Variants in ZMYM1 observed in about 807,000 individuals in gnomAD.
ZMYM1 encodes zinc finger MYM-type containing 1, also known as zinc finger MYM-type protein 1.
In ZMYM1, 39 loss-of-function variants were observed where a neutral mutation model predicts 60.0. The ratio of observed to expected loss-of-function variants is 0.65; its 90% CI spans 0.50 to 0.85. The LOEUF is 0.85. ZMYM1 is among the 40% of genes least tolerant of loss of function. The probability of loss-of-function intolerance (pLI) is 0.00; values close to 1 mark genes in which losing one functional copy is unlikely to be tolerated. For missense variants in ZMYM1, 1,171 were observed against 1,309.5 expected (o/e 0.89, Z 1.63); for synonymous variants, 413 against 454.0 (o/e 0.91, Z 1.15).
chr1:35,114,458 C>T lies in ZMYM1; in HGVS notation c.2628C>T (p.Ser876=). Residue 876 remains serine (S), a synonymous_variant, in exon 10 of 10, where the codon TCC becomes TCT. Coordinates refer to ENST00000359858, the MANE Select transcript of ZMYM1 (RefSeq NM_024772.5). ...YRVLSVTGIL[S]KELQNKTIDI... The stretch of plus-strand genomic sequence containing the variant: ...TGCTGAGTGTTACAGGAATTCTTTC[C>T]AAAGAGCTTCAAAATAAAACCATAG... 1.2e-6 allele frequency: 2 copies of T among 1,613,042 alleles called. No homozygotes were observed. The highest frequency in any genetic ancestry group is 2.2e-5 in the East Asian group (1 of 44,822).
chr1:35,113,930 T>C lies in ZMYM1; in HGVS notation c.2100T>C (p.Tyr700=), dbSNP rs775379156. The change falls in exon 10 of 10, where the codon TAT becomes TAC. Residue 700 remains tyrosine, a synonymous_variant. Transcript: ENST00000359858. ...GTHLHRTIKT[Y]LQQIGVDMDK... ...ACTTACATAGGACTATCAAAACTTATCTGCAGCAAATTGGAGTTGATATGG... is the reference window on the plus strand; with the variant it reads ...ACTTACATAGGACTATCAAAACTTACCTGCAGCAAATTGGAGTTGATATGG... 32 of 1,613,842 alleles carry C rather than the reference T, an allele frequency of 2.0e-5. No individual in the cohort carries two copies. In the East Asian group the frequency reaches 3.6e-4, roughly 18 times the overall value.
At chr1:35,107,342 G>T (rs1486761644) in intron 6 of ZMYM1, among the ~76,000 whole-genome samples, 1 of 151,100 alleles carries the variant, frequency 6.6e-6, no homozygotes, top group Admixed American at 6.6e-5. Flanking sequence ...GGTGGCGGGC[G>T]CCTGTAGTCC....
Position 35,093,880 on chromosome 1 carries a change from T to A in ZMYM1, c.-74-34T>A, listed in dbSNP as rs143734084. 2.5e-3 allele frequency: 1,954 copies of A among 778,062 alleles called. 35 individuals are homozygous for A. The African/African-American group carries it at 0.032, about 13-fold the overall frequency. The allele number at this position is 778,062 out of a possible 1,614,324, so 48.2% of individuals were successfully genotyped here. On this transcript the variant is annotated intron_variant, in intron 1 of 9. Transcript: ENST00000359858. Reference sequence around the variant, plus strand: ...TTACCATATTTAAAAGGACTAATTTTAAAATCAAACTCTTTATCAATATTT... The same window carrying A: ...TTACCATATTTAAAAGGACTAATTTAAAAATCAAACTCTTTATCAATATTT...
intron 7 of ZMYM1, among the ~76,000 whole-genome samples, chr1:35,111,266 C>T (rs1644076475): frequency 6.6e-6 from 1 of 152,084 alleles, no homozygotes; most frequent in Non-Finnish European, 1.5e-5. Context: ...CATGTAGGAC[C>T]AGTGGTGCTA....
At chr1:35,073,943 C>A (rs141057014) in intron 1 of ZMYM1, among the ~76,000 whole-genome samples, 58 of 152,178 alleles carry the variant, frequency 3.8e-4, no homozygotes, top group Non-Finnish European at 6.8e-4. Flanking sequence ...GCTATCATGC[C>A]CAGCTAATCT....
intron 1 of ZMYM1, among the ~76,000 whole-genome samples, chr1:35,085,148 C>T (rs758449888): frequency 2.0e-5 from 3 of 151,826 alleles, no homozygotes; most frequent in South Asian, 2.1e-4. Context: ...CCTGGGTTCA[C>T]GCCCTTCTCC....
At chr1:35,087,377 AT>A (rs1642713589) in intron 1 of ZMYM1, among the ~76,000 whole-genome samples, 1 of 151,844 alleles carries the variant, frequency 6.6e-6, no homozygotes, top group Non-Finnish European at 1.5e-5. Flanking sequence ...TCTGGATGAT[AT>A]CCCCTGGAGG....
chr1:35,061,612 T>TA (rs1362581305), intron 1 of ZMYM1, among the ~76,000 whole-genome samples: 2 of 150,898 alleles, frequency 1.3e-5, no homozygotes, highest in African/African-American at 2.4e-5. Flanking sequence ...CCGTCTCTAG[T>TA]AAAAAAACAA....
chr1:35,095,944 A>G, intron 3 of ZMYM1, 53 bp downstream of exon 3: 3 of 1,326,922 alleles, frequency 2.3e-6, no homozygotes, highest in Non-Finnish European at 3.2e-6. Flanking sequence ...ACGACAGCTG[A>G]TTCATTCTTT....
intron 1 of ZMYM1, among the ~76,000 whole-genome samples, chr1:35,061,693 G>A (rs1016180357): frequency 2.0e-5 from 3 of 151,418 alleles, no homozygotes; most frequent in Non-Finnish European, 4.4e-5. Flanking sequence ...GGAGAATGGC[G>A]TGAACCCAGG....
rs1397163959 is a variant in ZMYM1 at position 35,104,559 on chromosome 1, T to G, written c.597T>G (p.Ile199Met). 1 of 1,613,996 alleles carries G rather than the reference T, an allele frequency of 6.2e-7. No homozygotes were observed. The highest frequency in any genetic ancestry group is 1.3e-5 in the African/African-American group (1 of 74,930). Reference sequence around the variant, plus strand: ...TGAATCTTTTTATTAAATCCTAGATTCAGTATGAAGTAAAATACCAAAATG... The same window carrying G: ...TGAATCTTTTTATTAAATCCTAGATGCAGTATGAAGTAAAATACCAAAATG... The part of the protein sequence containing the change: ...KCSMCQKTAI[I>M]QYEVKYQNVK... Residue 199 changes from isoleucine to methionine, a missense_variant and splice_region_variant, in exon 6 of 10, where the codon ATT (isoleucine) becomes ATG (methionine). Ile to Met is a conservative substitution (Grantham distance 10). Coordinates refer to ENST00000359858, the MANE Select transcript of ZMYM1 (RefSeq NM_024772.5).
intron 1 of ZMYM1, among the ~76,000 whole-genome samples, chr1:35,091,887 CA>C (rs779081046): frequency 0.011 from 911 of 84,500 alleles, 13 homozygotes; most frequent in African/African-American, 0.042. Context: ...GATCTTGTCT[CA>C]AAAAAAAAAA....
At chr1:35,090,165 C>T (rs950066582) in intron 1 of ZMYM1, among the ~76,000 whole-genome samples, 4 of 152,054 alleles carry the variant, frequency 2.6e-5, no homozygotes, top group Admixed American at 2.0e-4. Flanking sequence ...CTCGGCCTCC[C>T]CAAGTGCTGG....
rs200829459 is a variant in ZMYM1, at chr1:35,114,981, G to A, written c.3151G>A (p.Gly1051Ser). 74 of 1,613,954 alleles carry A rather than the reference G, an allele frequency of 4.6e-5. 1 individual carries two copies. Among genetic ancestry groups the A allele is most frequent in the African/African-American group, 3.5e-4 (26 of 75,010 alleles). Residue 1051 changes from glycine (G) to serine (S), a missense_variant, in exon 10 of 10, where the codon GGC becomes AGC. Transcript: ENST00000359858. Reference sequence around the variant, plus strand: ...TAGTTGCATAAACTTCGTCAGTCTCGGCTGTTTGTTTATTCAGCATGGTCT... The same window carrying A: ...TAGTTGCATAAACTTCGTCAGTCTCAGCTGTTTGTTTATTCAGCATGGTCT... ...DDSCINFVSL[G>S]CLFIQHGLHS... is the part of the protein sequence containing the mutation.
At chr1:35,090,838 C>G (rs971454411) in intron 1 of ZMYM1, among the ~76,000 whole-genome samples, 2 of 151,826 alleles carry the variant, frequency 1.3e-5, no homozygotes, top group African/African-American at 2.4e-5. Context: ...CCCAGCTACT[C>G]GGGAGGCTGA....
intron 6 of ZMYM1, among the ~76,000 whole-genome samples, chr1:35,106,100 A>C (rs183646146): frequency 6.6e-6 from 1 of 152,262 alleles, no homozygotes; most frequent in East Asian, 1.9e-4. Flanking sequence ...AAAAAAACAA[A>C]CAAAAAATAT....
chr1:35,096,925 C>T (rs565075522), intron 3 of ZMYM1, among the ~76,000 whole-genome samples: 7 of 152,142 alleles, frequency 4.6e-5, no homozygotes, highest in Non-Finnish European at 1.0e-4. Flanking sequence ...ATCTCTTAAA[C>T]TCGTGATCCA....
At chr1:35,076,070 A>C (rs575908516), upstream of ZMYM1, among the ~76,000 whole-genome samples, 2 of 152,302 alleles carry the variant, frequency 1.3e-5, no homozygotes, top group South Asian at 4.1e-4. Context: ...TGACCCTGAA[A>C]AAGCAACTCT....
At chr1:35,100,794 A>G (rs544661774) in intron 4 of ZMYM1, among the ~76,000 whole-genome samples, 1 of 151,294 alleles carries the variant, frequency 6.6e-6, no homozygotes, top group African/African-American at 2.4e-5. Context: ...GTTGTTCCTA[A>G]TTTGTTGGCG....
Sources: gnomAD v4.1 joint callset for allele counts (sites outside exome capture counted in the v4.1 genomes callset) on GRCh38, gnomAD v4.1.1 for gene constraint, MANE v1.5 for transcripts, NCBI Gene and HGNC (gene_info 2026-07-23, HGNC 2026-07-21) for gene names.